Variants in DNAH9 observed in about 807,000 individuals in gnomAD.
DNAH9 encodes DNAH9 variant protein.
A neutral mutation model predicts 471.6 loss-of-function variants in DNAH9; 345 were observed. The observed-to-expected ratio is 0.73, with a 90% CI of 0.67 to 0.80. DNAH9 has a LOEUF of 0.80. Among genes scored for constraint, DNAH9 ranks in the 30% least tolerant of loss-of-function variants. The pLI is 0.00. For synonymous variants in DNAH9, 2,093 were observed against 2,123.6 expected (o/e 0.99, Z 0.40); for missense variants, 5,407 against 5,609.2 (o/e 0.96, Z 1.15).
At chr17:11,636,577 C>T (rs1489883007) in intron 8 of DNAH9, 57 bp from the exon 9 acceptor site, 1 of 1,426,214 alleles carries the variant, frequency 7.0e-7, no homozygotes, top group Non-Finnish European at 9.8e-7. Context: ...ATTTGTATAA[C>T]CATGGAAAGG....
chr17:11,681,432 G>A (rs556701994), intron 19 of DNAH9, among the ~76,000 whole-genome samples: 11 of 152,094 alleles, frequency 7.2e-5, no homozygotes, highest in Non-Finnish European at 1.5e-4. Flanking sequence ...CCATGCCCAC[G>A]CTGCACATAC....
Position 11,807,714 on chromosome 17 carries a change from C to G in DNAH9, c.8421-18C>G, listed in dbSNP as rs1969742038. The G allele has an allele frequency of 2.5e-6, 4 of 1,595,594 alleles. No individual in the cohort carries two copies. The East Asian group carries it at 9.0e-5, about 36-fold the overall frequency. ...AAAGTCTGATCAAAGCAACATGTGC[C>G]TGCTTCCTTCTCTTTAGCTGCCATA... On this transcript the variant is annotated intron_variant, in intron 43 of 68. Transcript: ENST00000262442.
chr17:11,637,974 A>G (rs138117938), intron 9 of DNAH9, among the ~76,000 whole-genome samples: 2 of 152,114 alleles, frequency 1.3e-5, no homozygotes, highest in Non-Finnish European at 2.9e-5. Flanking sequence ...TTCAAAGCAG[A>G]TATGAGAGGA....
At chr17:11,670,454 A>C (rs2073955715) in intron 17 of DNAH9, among the ~76,000 whole-genome samples, 1 of 152,086 alleles carries the variant, frequency 6.6e-6, no homozygotes, top group Non-Finnish European at 1.5e-5. Flanking sequence ...CCCATTGGGG[A>C]CCACCAGTCC....
At chr17:11,710,904 A>G (rs2074816701) in intron 26 of DNAH9, among the ~76,000 whole-genome samples, 1 of 152,188 alleles carries the variant, frequency 6.6e-6, no homozygotes, top group Non-Finnish European at 1.5e-5. Flanking sequence ...ACATCTGGAA[A>G]ATGAGTCCAG....
chr17:11,868,431 C>T (rs1022846505), intron 50 of DNAH9, among the ~76,000 whole-genome samples: 2 of 152,140 alleles, frequency 1.3e-5, no homozygotes, highest in Non-Finnish European at 2.9e-5. Context: ...CAGAGGACAA[C>T]AAAAGCTACG....
Position 11,883,626 on chromosome 17 carries a change from T to A in DNAH9, c.10847T>A (p.Leu3616Gln), listed in dbSNP as rs1181347531. Reference protein sequence around the residue: ...TKQQNGFKITLKTLEDSLLSR... With the variant: ...TKQQNGFKITQKTLEDSLLSR... Reference sequence around the variant, plus strand: ...CAGCAGAATGGATTCAAAATTACCCTGAAAACGTTGGAAGACAGTCTTCTC... The same window carrying A: ...CAGCAGAATGGATTCAAAATTACCCAGAAAACGTTGGAAGACAGTCTTCTC... Residue 3616 changes from leucine (L) to glutamine (Q), a missense_variant, in exon 56 of 69, where the codon CTG (leucine) becomes CAG (glutamine). This residue lies in a region of DNAH9 where 4,636 missense variants were observed against 4,900.3 expected (regional missense o/e 0.95). Coordinates refer to ENST00000262442, the MANE Select transcript of DNAH9 (RefSeq NM_001372.4). 3.7e-6 allele frequency: 6 copies of A among 1,614,172 alleles called. No homozygotes were observed. The African/African-American group carries it at 8.0e-5, about 22-fold the overall frequency.
chr17:11,933,646 C>T (rs1974594165), intron 64 of DNAH9, among the ~76,000 whole-genome samples: 1 of 152,140 alleles, frequency 6.6e-6, no homozygotes, highest in South Asian at 2.1e-4. Context: ...TCCCAAAGTG[C>T]TGGAATTACA....
chr17:11,869,311 C>T (rs535863490), intron 51 of DNAH9, 58 bp downstream of exon 51: 33 of 1,596,296 alleles, frequency 2.1e-5, no homozygotes, highest in East Asian at 4.5e-5. Context: ...TGTCAAATGC[C>T]GTGGAGGTGC....
At chr17:11,745,145 G>A in intron 31 of DNAH9, 61 bp downstream of exon 31, 1 of 1,350,592 alleles carries the variant, frequency 7.4e-7, no homozygotes, top group East Asian at 2.3e-5. Flanking sequence ...AGGATAATGG[G>A]TTATCCTTCA....
intron 65 of DNAH9, 48 bp downstream of exon 65, chr17:11,934,119 C>T (rs775944036): frequency 4.5e-6 from 7 of 1,571,928 alleles, no homozygotes; most frequent in Non-Finnish European, 5.2e-6. Flanking sequence ...GCTCACAGGG[C>T]CCTGGGTATT....
intron 17 of DNAH9, among the ~76,000 whole-genome samples, chr17:11,670,752 G>A (rs917191995): frequency 6.6e-6 from 1 of 150,956 alleles, no homozygotes; most frequent in Non-Finnish European, 1.5e-5. Flanking sequence ...TGCCTAGGCT[G>A]GAGTGCAATG....
Position 11,776,972 on chromosome 17 carries a change from G to A in DNAH9, c.7553-4037G>A, listed in dbSNP as rs113890500. Among the ~76,000 whole-genome samples the A allele has an allele frequency of 3.8e-3, 578 of 152,234 alleles. 15 individuals are homozygous for A. In the South Asian group the frequency reaches 0.055, roughly 15 times the overall value. ...CCCTTCATTAAATTACAACATAATG[G>A]TCCGCCCTTGGGTTTTGTTGAGGGT... is the stretch of plus-strand genomic sequence containing the variant. On this transcript the variant is annotated intron_variant, in intron 38 of 68. Transcript: ENST00000262442.
In DNAH9 at chr17:11,880,138, A is replaced by G. The variant is rs1267383376; in HGVS notation, c.10539A>G (p.Leu3513=). ...GAGCTGTGGTGCTGATTGAAAATCT[A>G]GAGGAGTCCATTGATCCTGTTCTGG... ...EAGAVVLIEN[L]EESIDPVLGP... The change falls in exon 54 of 69, where the codon CTA becomes CTG. Residue 3513 remains leucine (L), a synonymous_variant. Coordinates refer to ENST00000262442, the MANE Select transcript of DNAH9 (RefSeq NM_001372.4). 2.5e-6 allele frequency: 4 copies of G among 1,613,948 alleles called. No homozygotes were observed. The African/African-American group carries it at 4.0e-5, about 16-fold the overall frequency.
At chr17:11,838,494 A>C (rs936216692) in intron 49 of DNAH9, among the ~76,000 whole-genome samples, 5 of 152,232 alleles carry the variant, frequency 3.3e-5, no homozygotes, top group African/African-American at 1.2e-4. Flanking sequence ...TGAAGCAGAT[A>C]GTATAAAGAT....
chr17:11,926,224 C>T (rs939123556), intron 62 of DNAH9, among the ~76,000 whole-genome samples: 18 of 151,968 alleles, frequency 1.2e-4, no homozygotes, highest in African/African-American at 3.4e-4. Flanking sequence ...TCCCAAATTC[C>T]GTTGAACACA....
In DNAH9 at chr17:11,763,484, T is replaced by C. The variant is rs768843125; in HGVS notation, c.7040T>C (p.Met2347Thr). Residue 2347 changes from methionine to threonine, a missense_variant, in exon 36 of 69, where the codon ATG becomes ACG. Met to Thr is a moderately conservative substitution (Grantham distance 81). Around this residue, in one of 3 missense-constraint regions of DNAH9, gnomAD observed 4,636 missense variants for 4,900.3 expected, o/e 0.95. Transcript: ENST00000262442. ...IPIPEQSMVQMVCHLLECLLT... is the reference protein window; with the variant it reads ...IPIPEQSMVQTVCHLLECLLT... ...ATCCCAGAGCAGAGCATGGTTCAGATGGTGTGTCACCTTCTGGAATGTCTC... is the reference window on the plus strand; with the variant it reads ...ATCCCAGAGCAGAGCATGGTTCAGACGGTGTGTCACCTTCTGGAATGTCTC... The C allele has an allele frequency of 1.2e-6, 2 of 1,614,002 alleles. No individual in the cohort carries two copies. The highest frequency in any genetic ancestry group is 2.7e-5 in the African/African-American group (2 of 75,042).
At chr17:11,748,906 G>A (rs1899519010) in intron 32 of DNAH9, among the ~76,000 whole-genome samples, 1 of 152,026 alleles carries the variant, frequency 6.6e-6, no homozygotes, top group African/African-American at 2.4e-5. Flanking sequence ...CTCTAATTTA[G>A]GAGCTTTCAT....
intron 45 of DNAH9, among the ~76,000 whole-genome samples, chr17:11,816,052 A>G (rs1970084682): frequency 6.6e-6 from 1 of 152,094 alleles, no homozygotes; most frequent in Non-Finnish European, 1.5e-5. Context: ...ACAGTAGAAG[A>G]CTTACCTTAG....
Sources: allele counts gnomAD v4.1 joint callset (sites outside exome capture counted in the v4.1 genomes callset), GRCh38; gene constraint gnomAD v4.1.1; regional missense constraint gnomAD v4.1.1; transcripts MANE v1.5; gene names NCBI Gene and HGNC (gene_info 2026-07-23, HGNC 2026-07-21).